Variants in HDAC9 observed in about 807,000 individuals in gnomAD.
The protein encoded by HDAC9 is histone deacetylase 9.
In HDAC9, 41 loss-of-function variants were observed where a neutral mutation model predicts 139.4. The observed-to-expected ratio is 0.29, with a 90% CI of 0.23 to 0.38. HDAC9 has a LOEUF of 0.38. Ranked by LOEUF, HDAC9 falls within the 10% of genes least tolerant of loss-of-function variation. The pLI is 1.00. For missense variants in HDAC9, 1,147 were observed against 1,297.0 expected (o/e 0.88, Z 1.78); for synonymous variants, 517 against 476.2 (o/e 1.09, Z -1.12).
At chr7:18,551,233 C>G (rs1408031538) in intron 2 of HDAC9, among the ~76,000 whole-genome samples, 1 of 152,060 alleles carries the variant, frequency 6.6e-6, no homozygotes, top group African/African-American at 2.4e-5. Context: ...GTCAGGAGAT[C>G]TTTTTTTAGA....
At chr7:18,140,908 GTT>G (rs78385182) in intron 1 of HDAC9, among the ~76,000 whole-genome samples, 7 of 137,894 alleles carry the variant, frequency 5.1e-5, no homozygotes, top group Admixed American at 7.3e-5. Context: ...AAACTTTAAA[GTT>G]TTTTTTTTTT....
chr7:18,644,692 A>G lies in HDAC9; in HGVS notation c.934A>G (p.Ile312Val), dbSNP rs1194800664. 11 of 1,611,618 alleles carry G rather than the reference A, an allele frequency of 6.8e-6. No individual in the cohort carries two copies. The highest frequency in any genetic ancestry group is 1.3e-5 in the African/African-American group (1 of 74,920). The change falls in exon 9 of 26, where the codon ATT becomes GTT. Residue 312 changes from isoleucine (I) to valine (V), a missense_variant. Transcript: ENST00000686413. ...ACAGCAAATGGTTTCACAGCAACGC[A>G]TTCTAATTCATGAAGATTCCATGAA... ...HAEQMVSQQR[I>V]LIHEDSMNLL...
At chr7:18,586,463 C>T (rs990968173) in intron 3 of HDAC9, among the ~76,000 whole-genome samples, 1 of 151,990 alleles carries the variant, frequency 6.6e-6, no homozygotes, top group Admixed American at 6.5e-5. Flanking sequence ...ATTATGTTAT[C>T]TCATACTTTA....
intron 1 of HDAC9, among the ~76,000 whole-genome samples, chr7:18,424,859 C>T (rs1789963595): frequency 6.6e-6 from 1 of 152,128 alleles, no homozygotes. Context: ...GCCAAGATAT[C>T]ACCACTGCAC....
chr7:18,163,585 T>TAG (rs1163336178), intron 2 of HDAC9, among the ~76,000 whole-genome samples: 11 of 152,150 alleles, frequency 7.2e-5, no homozygotes, highest in Non-Finnish European at 1.3e-4. Context: ...ATCACTGGTT[T>TAG]AGCTTCTTCT....
intron 1 of HDAC9, among the ~76,000 whole-genome samples, chr7:18,371,117 G>A (rs1293686078): frequency 6.6e-6 from 1 of 152,150 alleles, no homozygotes; most frequent in Non-Finnish European, 1.5e-5. Flanking sequence ...GTGGAAAGGG[G>A]TAGGCTGCAT....
At chr7:18,571,362 C>G (rs909732373) in intron 2 of HDAC9, among the ~76,000 whole-genome samples, 1 of 152,176 alleles carries the variant, frequency 6.6e-6, no homozygotes, top group Non-Finnish European at 1.5e-5. Context: ...GATTTTCAAA[C>G]TGAGTTCCAT....
At chr7:18,851,624 C>T (rs1323935796) in intron 21 of HDAC9, among the ~76,000 whole-genome samples, 2 of 152,108 alleles carry the variant, frequency 1.3e-5, no homozygotes, top group Non-Finnish European at 2.9e-5. Flanking sequence ...ATTTGCCTTC[C>T]CATGAAACTG....
chr7:18,623,738 T>C (rs1159910066), intron 6 of HDAC9, among the ~76,000 whole-genome samples: 2 of 152,120 alleles, frequency 1.3e-5, no homozygotes, highest in Non-Finnish European at 2.9e-5. Flanking sequence ...GGTCAGGAGC[T>C]CCAGACCACC....
At chr7:18,696,220 C>G (rs1395037607) in intron 12 of HDAC9, among the ~76,000 whole-genome samples, 3 of 151,678 alleles carry the variant, frequency 2.0e-5, no homozygotes, top group Non-Finnish European at 4.4e-5. Flanking sequence ...TTAATTCAAA[C>G]TAATCACTGA....
intron 1 of HDAC9, among the ~76,000 whole-genome samples, chr7:18,304,349 A>G (rs1246044115): frequency 2.6e-5 from 4 of 152,228 alleles, no homozygotes; most frequent in African/African-American, 9.6e-5. Flanking sequence ...CCAGGTTTTT[A>G]AAAAGCTCAG....
At chr7:18,290,508 C>A (rs1172757172) in exon 1 of HDAC9, 1 of 456,458 alleles carries the variant, frequency 2.2e-6, no homozygotes, top group African/African-American at 2.0e-5. Context: ...GAATGCACAA[C>A]AAAACGGGTA....
chr7:18,232,152 A>G (rs1227407317), intron 2 of HDAC9, among the ~76,000 whole-genome samples: 1 of 152,142 alleles, frequency 6.6e-6, no homozygotes, highest in Non-Finnish European at 1.5e-5. Flanking sequence ...TTACACTGAA[A>G]TAACTGCCCT....
intron 16 of HDAC9, among the ~76,000 whole-genome samples, chr7:18,784,699 G>A (rs1460445948): frequency 5.9e-5 from 9 of 151,932 alleles, no homozygotes; most frequent in East Asian, 3.9e-4. Context: ...TGTAAACAAC[G>A]GTTTTGAAAT....
chr7:18,644,605 T>G, intron 8 of HDAC9, 66 bp from the exon 9 acceptor site: 34 of 1,412,590 alleles, frequency 2.4e-5, no homozygotes, highest in South Asian at 2.9e-5. Flanking sequence ...TTTTCTGAAA[T>G]GAGAACATTT....
intron 2 of HDAC9, among the ~76,000 whole-genome samples, chr7:18,514,385 G>A (rs1802523044): frequency 6.6e-6 from 1 of 152,120 alleles, no homozygotes; most frequent in Non-Finnish European, 1.5e-5. Context: ...TAGTGTTCAT[G>A]TTTTTCTTCC....
intron 16 of HDAC9, among the ~76,000 whole-genome samples, chr7:18,782,077 A>C (rs1225699758): frequency 2.0e-5 from 3 of 152,084 alleles, no homozygotes; most frequent in Admixed American, 2.0e-4. Context: ...GCATCTGATC[A>C]TTATTTAAGC....
chr7:18,754,010 T>G (rs950829566), intron 14 of HDAC9, among the ~76,000 whole-genome samples: 1 of 152,140 alleles, frequency 6.6e-6, no homozygotes, highest in African/African-American at 2.4e-5. Context: ...AAATTGGCTC[T>G]GCTTACTAAT....
chr7:18,201,964 A>AAG (rs1791163765), intron 2 of HDAC9, among the ~76,000 whole-genome samples: 1 of 152,224 alleles, frequency 6.6e-6, no homozygotes, highest in East Asian at 1.9e-4. Flanking sequence ...CCAGTAATGG[A>AAG]AGATGAATAA....
Sources: allele counts gnomAD v4.1 joint callset (sites outside exome capture counted in the v4.1 genomes callset), GRCh38; gene constraint gnomAD v4.1.1; transcripts MANE v1.5; gene names NCBI Gene and HGNC (gene_info 2026-07-23, HGNC 2026-07-21).